Variants in TATDN1 observed in about 807,000 individuals in gnomAD.
TATDN1 encodes the protein TatD DNase domain containing 1.
Under a neutral mutation model 46.4 loss-of-function variants are expected in TATDN1, and 40 were observed. That is an observed-to-expected ratio of 0.86 (90% CI 0.67 to 1.12). The LOEUF (loss-of-function observed/expected upper bound fraction) is 1.12, where lower values mean the gene tolerates loss of function less well. Among genes scored for constraint, TATDN1 ranks in the 50% most tolerant of loss-of-function variants. The pLI is 0.00. For missense variants in TATDN1, 326 were observed against 348.4 expected (o/e 0.94, Z 0.51); for synonymous variants, 95 against 105.6 (o/e 0.90, Z 0.62).
At chr8:124,515,327 G>A (rs1819369900) in intron 6 of TATDN1, among the ~76,000 whole-genome samples, 1 of 152,132 alleles carries the variant, frequency 6.6e-6, no homozygotes, top group South Asian at 2.1e-4. Context: ...GTTGCGGTGA[G>A]CTGAGATCAC....
At chr8:124,498,302 A>G (rs565612400) in intron 9 of TATDN1, among the ~76,000 whole-genome samples, 2 of 152,136 alleles carry the variant, frequency 1.3e-5, no homozygotes, top group African/African-American at 2.4e-5. Context: ...AGGTAAGAGT[A>G]TAGGGAGCTA....
chr8:124,525,503 C>T (rs550471870), intron 1 of TATDN1, among the ~76,000 whole-genome samples: 17 of 152,250 alleles, frequency 1.1e-4, no homozygotes, highest in Non-Finnish European at 1.8e-4. Flanking sequence ...ACAGCTCACC[C>T]GCAACAAATA....
At position 124,539,015 on chromosome 8, in the gene TATDN1, C is replaced by A. The variant is rs1309465824; in HGVS notation, c.22+10G>T. On this transcript the variant is annotated intron_variant, in intron 1 of 11. Transcript: ENST00000276692. The stretch of plus-strand genomic sequence containing the variant: ...GAAAGACCCAAGGGCGTGGAAAACG[C>A]TCCTCTTACCGATAAACTTGAAGCG... 1 of 1,614,178 alleles carries A rather than the reference C, an allele frequency of 6.2e-7. No individual in the cohort carries two copies.
chr8:124,495,420 CTT>C, intron 10 of TATDN1, 50 bp downstream of exon 10: 1 of 1,415,756 alleles, frequency 7.1e-7, no homozygotes, highest in South Asian at 1.3e-5. Context: ...TCCAGCTTTC[CTT>C]TTTGTTTGGT....
intron 9 of TATDN1, among the ~76,000 whole-genome samples, chr8:124,502,607 A>G (rs1287311270): frequency 1.3e-5 from 2 of 152,234 alleles, no homozygotes; most frequent in Non-Finnish European, 2.9e-5. Context: ...CACGCAAGGA[A>G]TACATGGGAT....
intron 1 of TATDN1, among the ~76,000 whole-genome samples, chr8:124,525,053 G>A (rs1417807687): frequency 1.3e-5 from 2 of 152,182 alleles, no homozygotes; most frequent in African/African-American, 2.4e-5. Flanking sequence ...CCCAAGTGCA[G>A]TGAGAAGCAC....
intron 1 of TATDN1, among the ~76,000 whole-genome samples, chr8:124,525,527 G>A (rs1020856852): frequency 2.6e-5 from 4 of 152,152 alleles, no homozygotes; most frequent in Non-Finnish European, 2.9e-5. Flanking sequence ...GAGTCTTTCT[G>A]AGCCTCAGTT....
chr8:124,508,776 A>T (rs1373977394), intron 6 of TATDN1, 88 bp from the exon 7 acceptor site: 3 of 831,346 alleles, frequency 3.6e-6, no homozygotes, highest in Non-Finnish European at 5.5e-6. Context: ...TTTAAATTAA[A>T]GGTATTTAAT....
At chr8:124,503,803 G>A (rs1467579591) in intron 9 of TATDN1, 3 of 726,092 alleles carry the variant, frequency 4.1e-6, no homozygotes, top group Non-Finnish European at 4.2e-6. Context: ...TGAGAAGCCA[G>A]AGGACATGGG....
intron 1 of TATDN1, among the ~76,000 whole-genome samples, chr8:124,527,809 T>A (rs536924786): frequency 4.0e-5 from 6 of 151,242 alleles, no homozygotes; most frequent in African/African-American, 1.5e-4. Context: ...CCCAGATCCA[T>A]CCCTACGATA....
Position 124,515,595 on chromosome 8 carries a change from G to T in TATDN1, c.389+151C>A, listed in dbSNP as rs539285451. The T allele has an allele frequency of 3.6e-5, 24 of 663,808 alleles. No individual in the cohort carries two copies. The African/African-American group carries it at 4.0e-4, about 11-fold the overall frequency. 41.1% of individuals were successfully genotyped at this position (663,808 alleles called of 1,614,324 possible). A position where few individuals can be genotyped will look rare whatever the true frequency, so the allele number is the denominator to read the frequency against. ...TCCCTTATGAATTACATGCAAGTAT[G>T]CATGGAATTTGTTTCACTTACTTTT... On this transcript the variant is annotated intron_variant, in intron 6 of 11. Coordinates refer to ENST00000276692, the MANE Select transcript of TATDN1 (RefSeq NM_032026.4).
At chr8:124,533,900 A>G (rs181394124) in intron 1 of TATDN1, among the ~76,000 whole-genome samples, 1 of 152,060 alleles carries the variant, frequency 6.6e-6, no homozygotes, top group Non-Finnish European at 1.5e-5. Context: ...TAATCCCAGC[A>G]CTTTGGGAGG....
Position 124,495,507 on chromosome 8 carries a change from T to C in TATDN1, c.629A>G (p.Lys210Arg), listed in dbSNP as rs1371341671. The change falls in exon 10 of 12, where the codon AAG becomes AGG. Residue 210 changes from lysine (K) to arginine (R), a missense_variant. Physicochemically the swap from Lys to Arg is conservative, Grantham distance 26. Coordinates refer to ENST00000276692, the MANE Select transcript of TATDN1 (RefSeq NM_032026.4). ...CATTAATTTTTCACTAGGAATTGAC[T>C]TCAAAACTTCCAAATTAGCTTCAGT... ...LKTEANLEVL[K>R]SIPSEKLMIE... 3 of 1,607,066 alleles carry C rather than the reference T, an allele frequency of 1.9e-6. No individual in the cohort carries two copies. Among genetic ancestry groups the C allele is most frequent in the Non-Finnish European group, 8.5e-7 (1 of 1,178,140 alleles).
rs1379831984 is a variant in TATDN1, at chr8:124,495,551, A to T, written c.594-9T>A. 14 of 1,586,244 alleles carry T rather than the reference A, an allele frequency of 8.8e-6. No individual in the cohort carries two copies. Among genetic ancestry groups the T allele is most frequent in the Middle Eastern group, 1.7e-4 (1 of 6,006 alleles). On this transcript the variant is annotated splice_polypyrimidine_tract_variant and intron_variant, in intron 9 of 11. Coordinates refer to ENST00000276692, the MANE Select transcript of TATDN1 (RefSeq NM_032026.4). ...CTTCAGTTTTCAGTGAGCTTAAAAA[A>T]AAGTGTATATTTATTTTAAAAGGCA...
chr8:124,522,169 G>C lies in TATDN1; in HGVS notation c.120C>G (p.Val40=), dbSNP rs368326590. 2 of 1,594,864 alleles carry C rather than the reference G, an allele frequency of 1.3e-6. No individual in the cohort carries two copies. Among genetic ancestry groups the C allele is most frequent in the Non-Finnish European group, 1.7e-6 (2 of 1,169,204 alleles). Reference sequence around the variant, plus strand: ...ATGTTACCTTTTTAACACCAATCTCGACAGCTCTCCCTATTACATCCTGTA... The same window carrying C: ...ATGTTACCTTTTTAACACCAATCTCCACAGCTCTCCCTATTACATCCTGTA... ...DDLQDVIGRA[V]EIGVKKFMIT... The change falls in exon 3 of 12, where the codon GTC becomes GTG. Residue 40 remains valine (V), a synonymous_variant. Transcript: ENST00000276692.
At chr8:124,494,048 A>G in intron 10 of TATDN1, 89 bp from the exon 11 acceptor site, 1 of 1,278,912 alleles carries the variant, frequency 7.8e-7, no homozygotes, top group East Asian at 2.6e-5. Context: ...TCTAAATGAT[A>G]AACCGTGATT....
chr8:124,535,181 A>G (rs970968563), intron 1 of TATDN1, among the ~76,000 whole-genome samples: 1 of 152,208 alleles, frequency 6.6e-6, no homozygotes, highest in Non-Finnish European at 1.5e-5. Flanking sequence ...CCCAGCCATC[A>G]GTCATCTTAG....
chr8:124,511,291 T>C (rs912663218), intron 6 of TATDN1, among the ~76,000 whole-genome samples: 1 of 152,090 alleles, frequency 6.6e-6, no homozygotes, highest in African/African-American at 2.4e-5. Context: ...TCAAGGCAAA[T>C]CCAAAAAGCC....
At chr8:124,538,597 C>T in intron 1 of TATDN1, 1 of 230,778 alleles carries the variant, frequency 4.3e-6, no homozygotes, top group Non-Finnish European at 8.9e-6. Flanking sequence ...ACTTGAGGCG[C>T]TCACTAACTA....
Sources: gnomAD v4.1 joint callset for allele counts (sites outside exome capture counted in the v4.1 genomes callset) on GRCh38, gnomAD v4.1.1 for gene constraint, MANE v1.5 for transcripts, NCBI Gene and HGNC (gene_info 2026-07-23, HGNC 2026-07-21) for gene names.